The following TSPEAR variants were observed in gnomAD, a reference collection of about 807,000 sequenced individuals.
TSPEAR encodes thrombospondin type laminin G domain and EAR repeats.
Under a neutral mutation model 71.6 loss-of-function variants are expected in TSPEAR, and 69 were observed. The ratio of observed to expected loss-of-function variants is 0.96; its 90% confidence interval spans 0.79 to 1.18. The LOEUF (loss-of-function observed/expected upper bound fraction) is 1.18. Among genes scored for constraint, TSPEAR ranks in the 50% most tolerant of loss-of-function variants. The pLI, the probability that TSPEAR is intolerant of heterozygous loss-of-function variation, is 0.00. For synonymous variants in TSPEAR, 402 were observed against 387.2 expected (o/e 1.04, Z -0.45); for missense variants, 971 against 894.9 (o/e 1.09, Z -1.09).
rs1986902339 is a variant in TSPEAR, at chr21:44,687,286, G to A, written c.82+24147C>T. On this transcript the variant is annotated intron_variant, in intron 1 of 11. Coordinates refer to ENST00000323084, the MANE Select transcript of TSPEAR (RefSeq NM_144991.3). This position sits in a 1 kb window ranked among gnomAD's most constrained non-coding sequence, Gnocchi z 4.4. ...AAGCCAGGGCTCCCAGTGACACACT[G>A]GGCGCCTGGTGATTACTCAGCTTCT... 6.6e-6 allele frequency among the ~76,000 whole-genome samples: 1 copy of A among 152,120 alleles called. No homozygotes were observed. Among genetic ancestry groups the A allele is most frequent in the Non-Finnish European group, 1.5e-5 (1 of 68,000 alleles).
chr21:44,571,980 G>A (rs757823730), intron 1 of TSPEAR, among the ~76,000 whole-genome samples: 10 of 152,172 alleles, frequency 6.6e-5, no homozygotes, highest in Non-Finnish European at 8.8e-5. Flanking sequence ...CCGGGCAAAC[G>A]CCTGGGCAGA....
Position 44,533,701 on chromosome 21 carries a change from C to T in TSPEAR, c.526G>A (p.Gly176Ser), listed in dbSNP as rs587606728. The T allele has an allele frequency of 1.1e-4, 182 of 1,609,052 alleles. No individual in the cohort carries two copies. The highest frequency in any genetic ancestry group is 2.7e-4 in the South Asian group (25 of 90,968). ...AGVFSLTTDC[G>S]LPVDIMADVP... ...GGTACCTACATGTCCACCGGGAGGCCGCAGTCCGTGGTGAGGGAGAAGACG... is the reference window on the plus strand; with the variant it reads ...GGTACCTACATGTCCACCGGGAGGCTGCAGTCCGTGGTGAGGGAGAAGACG... Residue 176 changes from glycine (G) to serine (S), a missense_variant, in exon 3 of 12, where the codon GGC (glycine) becomes AGC (serine). Gly to Ser is a moderately conservative substitution (Grantham distance 56). Transcript: ENST00000323084.
At chr21:44,613,918 C>T (rs1363552897) in intron 1 of TSPEAR, among the ~76,000 whole-genome samples, 4 of 152,168 alleles carry the variant, frequency 2.6e-5, no homozygotes, top group African/African-American at 7.2e-5. Context: ...CCAGGTTCTT[C>T]AAGGCCCTGT....
intron 1 of TSPEAR, among the ~76,000 whole-genome samples, chr21:44,700,392 C>T (rs1435792169): frequency 6.6e-6 from 1 of 152,152 alleles, no homozygotes; most frequent in East Asian, 1.9e-4. Context: ...GTCCCTCAGC[C>T]CATCCCTGCA....
At position 44,499,725 on chromosome 21, in the gene TSPEAR, G is replaced by A; in HGVS notation, c.*58C>T. The A allele has an allele frequency of 6.7e-7, 1 of 1,488,682 alleles. No individual in the cohort carries two copies. The highest frequency in any genetic ancestry group is 8.9e-7 in the Non-Finnish European group (1 of 1,117,966). 92.2% of individuals were successfully genotyped at this position (1,488,682 alleles called of 1,614,324 possible). On this transcript the variant is annotated 3_prime_UTR_variant, in exon 12 of 12. Coordinates refer to ENST00000323084, the MANE Select transcript of TSPEAR (RefSeq NM_144991.3). ...CCTGGACGTCCAGGGTCAGTTGGGG[G>A]AGGTGCTGGGGTCCCGCCCCACCTG...
intron 1 of TSPEAR, among the ~76,000 whole-genome samples, chr21:44,700,263 C>T (rs1276106052): frequency 6.6e-6 from 1 of 152,188 alleles, no homozygotes; most frequent in Non-Finnish European, 1.5e-5. Context: ...GGCTGGAGAG[C>T]AGGAAGAAAA....
At chr21:44,574,525 G>T (rs1978315085) in intron 1 of TSPEAR, 2 of 1,609,670 alleles carry the variant, frequency 1.2e-6, no homozygotes, top group African/African-American at 2.8e-5. Flanking sequence ...CAGTCTAGCT[G>T]CCAGCCGGCT....
At chr21:44,699,344 C>T (rs995394717) in intron 1 of TSPEAR, among the ~76,000 whole-genome samples, 1 of 141,550 alleles carries the variant, frequency 7.1e-6, no homozygotes, top group Non-Finnish European at 1.5e-5. Context: ...TGAGCCACTG[C>T]ACTCCAGCCT....
intron 1 of TSPEAR, among the ~76,000 whole-genome samples, chr21:44,663,616 T>C (rs994548172): frequency 6.6e-6 from 1 of 152,092 alleles, no homozygotes; most frequent in Non-Finnish European, 1.5e-5. Context: ...GCCAGCATAA[T>C]CTTGATATCA....
intron 1 of TSPEAR, chr21:44,654,432 ACAG>A: frequency 6.2e-7 from 1 of 1,614,142 alleles, no homozygotes; most frequent in South Asian, 1.1e-5. Flanking sequence ...GGCTGGGCAC[ACAG>A]CAGGCTGGCT....
rs1264184428 is a variant in TSPEAR, at chr21:44,538,434, CCCA to C, written c.304-4514_304-4512del. On this transcript the variant is annotated intron_variant, in intron 2 of 11. Coordinates refer to ENST00000323084, the MANE Select transcript of TSPEAR (RefSeq NM_144991.3). ...TGTGGAAACTGCTGCCCCCCCCCCCCCCAAGAGGAGAACCTGGGCAGCGCCAGG... is the reference window on the plus strand; with the variant it reads ...TGTGGAAACTGCTGCCCCCCCCCCCCAGAGGAGAACCTGGGCAGCGCCAGG... Among the ~76,000 whole-genome samples, 534 of 86,594 alleles carry C rather than the reference CCCA, an allele frequency of 6.2e-3. 4 individuals are homozygous for C. Among genetic ancestry groups the C allele is most frequent in the African/African-American group, 0.03 (506 of 16,872 alleles). The allele number at this position is 86,594 out of a possible 152,430, so 56.8% of individuals were successfully genotyped here.
intron 1 of TSPEAR, among the ~76,000 whole-genome samples, chr21:44,570,120 G>A (rs1555922314): frequency 6.6e-6 from 1 of 152,116 alleles, no homozygotes; most frequent in African/African-American, 2.4e-5. Flanking sequence ...GAGGAAACGT[G>A]GGGGCCACCA....
rs587745663 is a variant in TSPEAR, at chr21:44,588,553, T to C, written c.83-20548A>G. Among the ~76,000 whole-genome samples the C allele has an allele frequency of 6.7e-4, 102 of 151,878 alleles. 2 individuals carry two copies. Among genetic ancestry groups the C allele is most frequent in the African/African-American group, 2.4e-3 (100 of 41,422 alleles). On this transcript the variant is annotated intron_variant, in intron 1 of 11. Transcript: ENST00000323084. ...ATCTACCCGGAGGAAAAGACGTCAT[T>C]ATACAAAAAAGATACTTGCTCACGC...
intron 2 of TSPEAR, among the ~76,000 whole-genome samples, chr21:44,538,433 C>T (rs1248929161): frequency 2.0e-5 from 2 of 98,226 alleles, no homozygotes; most frequent in African/African-American, 3.6e-5. Flanking sequence ...CCCCCCCCCC[C>T]CCCAAGAGGA....
At chr21:44,634,242 T>C (rs2146213222) in intron 1 of TSPEAR, among the ~76,000 whole-genome samples, 2 of 152,234 alleles carry the variant, frequency 1.3e-5, no homozygotes, top group Middle Eastern at 6.8e-3. Flanking sequence ...GGCTGAGCAA[T>C]ACCCTGTCTC....
At chr21:44,658,790 T>TGCTAAGCACAAGCG (rs1985323504) in intron 1 of TSPEAR, among the ~76,000 whole-genome samples, 2 of 152,182 alleles carry the variant, frequency 1.3e-5, no homozygotes, top group Non-Finnish European at 2.9e-5. Context: ...TGCGTTTTTA[T>TGCTAAGCACAAGCG]GTTACCCAGA....
At chr21:44,565,180 A>G (rs900954015) in intron 2 of TSPEAR, among the ~76,000 whole-genome samples, 2 of 152,204 alleles carry the variant, frequency 1.3e-5, no homozygotes, top group Non-Finnish European at 2.9e-5. Flanking sequence ...ACCTGTATTA[A>G]GAAAGATCTC....
At chr21:44,709,960 G>A (rs1988132416) in intron 1 of TSPEAR, among the ~76,000 whole-genome samples, 1 of 152,174 alleles carries the variant, frequency 6.6e-6, no homozygotes, top group African/African-American at 2.4e-5. Context: ...TATTTGCAAC[G>A]TAGCTTCAGG....
intron 1 of TSPEAR, among the ~76,000 whole-genome samples, chr21:44,664,111 G>A (rs868958182): frequency 7.2e-5 from 11 of 152,060 alleles, no homozygotes; most frequent in Admixed American, 3.3e-4. Context: ...AAACAGTGAA[G>A]TAAAAAGCAT....
Sources: gnomAD v4.1 joint callset for allele counts (sites outside exome capture counted in the v4.1 genomes callset) on GRCh38, gnomAD v4.1.1 for gene constraint, Gnocchi (gnomAD v3.1) non-coding constraint, MANE v1.5 for transcripts, NCBI Gene and HGNC (gene_info 2026-07-23, HGNC 2026-07-21) for gene names.